The following UBE2G1 variants were observed in gnomAD, a reference collection of about 807,000 sequenced individuals.
UBE2G1 encodes ubiquitin conjugating enzyme E2 G1.
UBE2G1 carries 5 observed loss-of-function variants against 22.7 expected under a neutral mutation model. That is an observed-to-expected ratio of 0.22 (90% CI 0.12 to 0.46). The LOEUF (loss-of-function observed/expected upper bound fraction) is 0.46, where lower values mean the gene tolerates loss of function less well. Among genes scored for constraint, UBE2G1 ranks in the 20% least tolerant of loss-of-function variants. UBE2G1 has a pLI of 0.99. For missense variants in UBE2G1, 88 were observed against 203.9 expected (o/e 0.43, Z 3.46); for synonymous variants, 74 against 67.5 (o/e 1.10, Z -0.47).
In UBE2G1 at chr17:4,366,412, G is replaced by T. The variant is rs1026283703; in HGVS notation, c.-96C>A. On this transcript the variant is annotated 5_prime_UTR_variant, in exon 1 of 6. Coordinates refer to ENST00000396981, the MANE Select transcript of UBE2G1 (RefSeq NM_003342.5). ...GAGCGGGGTGTGCCGAGGAACCCGGGCCCCGCGACCGGAGCGCCGGAGCCG... is the reference window on the plus strand; with the variant it reads ...GAGCGGGGTGTGCCGAGGAACCCGGTCCCCGCGACCGGAGCGCCGGAGCCG... 2 of 1,270,116 alleles carry T rather than the reference G, an allele frequency of 1.6e-6. No individual in the cohort carries two copies. The highest frequency in any genetic ancestry group is 1.0e-6 in the Non-Finnish European group (1 of 986,014). 78.7% of individuals were successfully genotyped at this position (1,270,116 alleles called of 1,614,324 possible). A position where few individuals can be genotyped will look rare whatever the true frequency, so the allele number is the denominator to read the frequency against.
intron 1 of UBE2G1, among the ~76,000 whole-genome samples, chr17:4,354,525 AAAAAT>A: frequency 6.6e-6 from 1 of 152,328 alleles, no homozygotes; most frequent in Admixed American, 6.5e-5. Flanking sequence ...CCAAAAGAAA[AAAAAT>A]AAACTCTGAG....
chr17:4,365,509 G>C (rs1406511718), intron 1 of UBE2G1, among the ~76,000 whole-genome samples: 1 of 152,172 alleles, frequency 6.6e-6, no homozygotes, highest in South Asian at 2.1e-4. Context: ...CAGAGCCTGC[G>C]GGCGCAGCTC....
At chr17:4,364,321 C>G (rs1301882714) in intron 1 of UBE2G1, 4 of 131,388 alleles carry the variant, frequency 3.0e-5, no homozygotes, top group African/African-American at 8.5e-5. Context: ...GACACAGTCT[C>G]GCTCTGTCGC....
intron 1 of UBE2G1, among the ~76,000 whole-genome samples, chr17:4,338,822 C>T (rs769111151): frequency 6.6e-6 from 1 of 152,174 alleles, no homozygotes; most frequent in Non-Finnish European, 1.5e-5. Flanking sequence ...GGCTCTGCTG[C>T]AGCACCATCC....
intron 3 of UBE2G1, among the ~76,000 whole-genome samples, chr17:4,293,526 T>C (rs1284984221): frequency 6.6e-6 from 1 of 152,224 alleles, no homozygotes; most frequent in Non-Finnish European, 1.5e-5. Context: ...TTCAGTTTTC[T>C]TGGTTAGGTT....
chr17:4,348,487 A>G (rs1292319148), intron 1 of UBE2G1, among the ~76,000 whole-genome samples: 1 of 148,088 alleles, frequency 6.8e-6, no homozygotes, highest in East Asian at 2.0e-4. Context: ...CGGGAGGCAG[A>G]GCTTGCAGTG....
At chr17:4,331,010 T>TCACACACACACACACACA in intron 1 of UBE2G1, among the ~76,000 whole-genome samples, 1 of 88,130 alleles carries the variant, frequency 1.1e-5, no homozygotes, top group African/African-American at 9.4e-5. Flanking sequence ...ACACACACAT[T>TCACACACACACACACACA]CCAAACTGTC....
chr17:4,271,638 T>TAA lies in UBE2G1; in HGVS notation c.*914_*915dup, dbSNP rs1968761013. On this transcript the variant is annotated 3_prime_UTR_variant, in exon 6 of 6. Coordinates refer to ENST00000396981, the MANE Select transcript of UBE2G1 (RefSeq NM_003342.5). ...GATTTGTAATAGCAAACCCAGAAGT[T>TAA]AAGTAGAAAGCCTGTAGCTGTGCAT... is the stretch of plus-strand genomic sequence containing the variant. 6.7e-6 allele frequency: 1 copy of TAA among 149,220 alleles called. No homozygotes were observed. Among genetic ancestry groups the TAA allele is most frequent in the African/African-American group, 2.5e-5 (1 of 40,150 alleles). The allele number at this position is 149,220 out of a possible 1,614,324, so 9.2% of individuals were successfully genotyped here.
chr17:4,362,364 T>G (rs995729541), intron 1 of UBE2G1, among the ~76,000 whole-genome samples: 6 of 152,196 alleles, frequency 3.9e-5, no homozygotes, highest in Non-Finnish European at 7.3e-5. Flanking sequence ...CAGGAGACAT[T>G]TGGCAATGGA....
Position 4,318,778 on chromosome 17 carries a change from G to T in UBE2G1, c.47-11655C>A, listed in dbSNP as rs144598213. Among the ~76,000 whole-genome samples the T allele has an allele frequency of 3.3e-4, 50 of 152,232 alleles. No individual in the cohort carries two copies. The East Asian group carries it at 9.1e-3, about 28-fold the overall frequency. On this transcript the variant is annotated intron_variant, in intron 1 of 5. Transcript: ENST00000396981. ...TACGGGGCAAAAAAGTGATTCTCAG[G>T]CTGCAGTGAGTCGTAAGCATGCTGC...
intron 4 of UBE2G1, among the ~76,000 whole-genome samples, chr17:4,285,795 C>T (rs1262978126): frequency 6.6e-6 from 1 of 151,852 alleles, no homozygotes; most frequent in Non-Finnish European, 1.5e-5. Context: ...ACTAAAAATA[C>T]AAAAAAATAG....
intron 4 of UBE2G1, 124 bp downstream of exon 4, chr17:4,289,105 AT>A: frequency 1.7e-6 from 1 of 579,510 alleles, no homozygotes; most frequent in Non-Finnish European, 2.4e-6. Flanking sequence ...ATGGGAAGAG[AT>A]ACACACACAC....
chr17:4,293,233 C>T (rs761272553), intron 3 of UBE2G1, among the ~76,000 whole-genome samples: 1 of 152,172 alleles, frequency 6.6e-6, no homozygotes, highest in Non-Finnish European at 1.5e-5. Flanking sequence ...GGGAATCGTA[C>T]ACTATGTCAC....
intron 2 of UBE2G1, among the ~76,000 whole-genome samples, chr17:4,300,340 C>G (rs982574318): frequency 2.6e-5 from 4 of 151,028 alleles, no homozygotes; most frequent in African/African-American, 9.7e-5. Context: ...GTCAGGAGTT[C>G]GAAAACAACC....
intron 1 of UBE2G1, among the ~76,000 whole-genome samples, chr17:4,321,087 CT>C (rs1223859022): frequency 6.6e-5 from 10 of 152,078 alleles, no homozygotes; most frequent in Admixed American, 6.5e-4. Context: ...GAGTCTGAGG[CT>C]GCAGTGAGCT....
chr17:4,362,619 G>GTAATTAAT (rs1461128206), intron 1 of UBE2G1, among the ~76,000 whole-genome samples: 1 of 152,114 alleles, frequency 6.6e-6, no homozygotes, highest in East Asian at 1.9e-4. Flanking sequence ...ATTCTACCAA[G>GTAATTAAT]TAATTAATTT....
chr17:4,304,200 T>C (rs964700774), intron 2 of UBE2G1, among the ~76,000 whole-genome samples: 4 of 152,128 alleles, frequency 2.6e-5, no homozygotes, highest in Non-Finnish European at 2.9e-5. Flanking sequence ...GGTTTTGCCA[T>C]GTAGCCGAAG....
At chr17:4,361,866 C>T (rs980033593) in intron 1 of UBE2G1, among the ~76,000 whole-genome samples, 12 of 150,960 alleles carry the variant, frequency 7.9e-5, no homozygotes, top group African/African-American at 2.2e-4. Flanking sequence ...CGCTTGAACC[C>T]GCGAGGCGGA....
At chr17:4,301,552 ATTCTTGGCCCAATGTAGTTTTGTGT>A (rs1969180252) in intron 2 of UBE2G1, 1 of 1,331,460 alleles carries the variant, frequency 7.5e-7, no homozygotes. Context: ...TATGCCTGGT[ATTCTTGGCCCAATGTAGTTTTGTGT>A]TTCTTTGGTG....
Sources: gnomAD v4.1 joint callset for allele counts (sites outside exome capture counted in the v4.1 genomes callset) on GRCh38, gnomAD v4.1.1 for gene constraint, MANE v1.5 for transcripts, NCBI Gene and HGNC (gene_info 2026-07-23, HGNC 2026-07-21) for gene names.